Variants in CFAP410 observed in about 807,000 individuals in gnomAD.
CFAP410 encodes the protein cilia and flagella associated protein 410, also known as cilia- and flagella-associated protein 410.
Under a neutral mutation model 25.7 loss-of-function variants are expected in CFAP410, and 27 were observed. The observed-to-expected ratio is 1.05, with a 90% confidence interval of 0.77 to 1.45. The LOEUF is 1.45. CFAP410 is among the 40% of genes most tolerant of loss of function. The pLI, the probability that CFAP410 is intolerant of heterozygous loss-of-function variation, is 0.00. For synonymous variants in CFAP410, 178 were observed against 158.4 expected, an observed-to-expected ratio of 1.12 and a Z score of -0.93; for missense variants, 428 against 354.1, an observed-to-expected ratio of 1.21 and a Z score of -1.67.
chr21:44,329,904 T>G lies in CFAP410; in HGVS notation c.*294A>C. 5.5e-6 allele frequency: 2 copies of G among 363,764 alleles called. No individual in the cohort carries two copies. Among genetic ancestry groups the G allele is most frequent in the Non-Finnish European group, 5.0e-6 (1 of 200,692 alleles). 22.5% of individuals were successfully genotyped at this position (363,764 alleles called of 1,614,324 possible). ...CACCTCCAGATCAACCTTGGGAAAA[T>G]CTTTTATTAGGGAGGACAGCCTGCA... On this transcript the variant is annotated 3_prime_UTR_variant, in exon 7 of 7. Transcript: ENST00000339818.
At position 44,330,838 on chromosome 21, in the gene CFAP410, G is replaced by C; in HGVS notation, c.627C>G (p.Ser209Arg). 6.2e-7 allele frequency: 1 copy of C among 1,604,900 alleles called. No individual in the cohort carries two copies. Among genetic ancestry groups the C allele is most frequent in the Non-Finnish European group, 8.5e-7 (1 of 1,176,202 alleles). Reference sequence around the variant, plus strand: ...CGCCACTCACCCTGCCCCTGTGGCTGCTCGAGGCATCCCTGGCTGAGAGGG... The same window carrying C: ...CGCCACTCACCCTGCCCCTGTGGCTCCTCGAGGCATCCCTGGCTGAGAGGG... Reference protein sequence around the residue: ...FPSLSARDASSSHRGRNVLTA... With the variant: ...FPSLSARDASRSHRGRNVLTA... Residue 209 changes from serine to arginine, a missense_variant, in exon 6 of 7, where the codon AGC (serine) becomes AGG (arginine). Coordinates refer to ENST00000339818, the MANE Select transcript of CFAP410 (RefSeq NM_004928.3).
chr21:44,330,203 C>A lies in CFAP410; in HGVS notation c.766G>T (p.Glu256Ter). The A allele has an allele frequency of 1.3e-6, 2 of 1,565,300 alleles. No homozygotes were observed. Among genetic ancestry groups the A allele is most frequent in the South Asian group, 2.3e-5 (2 of 86,068 alleles). Residue 256 changes from glutamate (E) to a stop codon, truncating the protein, a stop_gained, in exon 7 of 7, where the codon GAG (glutamate) becomes TAG (stop). Transcript: ENST00000339818. LOFTEE classifies it high-confidence loss of function. Reference protein sequence around the residue: ...LRGEEVQEHAE With the variant: ...LRGEEVQEHA Reference sequence around the variant, plus strand: ...GCGGCGTTCAGGTCCTGCGGTCACTCGGCGTGCTCCTGCACCTCTTCCCCA... The same window carrying A: ...GCGGCGTTCAGGTCCTGCGGTCACTAGGCGTGCTCCTGCACCTCTTCCCCA...
Position 44,335,804 on chromosome 21 carries a change from T to C in CFAP410, c.97A>G (p.Ile33Val). 5 of 1,587,878 alleles carry C rather than the reference T, an allele frequency of 3.1e-6. No homozygotes were observed. The highest frequency in any genetic ancestry group is 2.3e-5 in the South Asian group (2 of 87,346). The change falls in exon 3 of 7, where the codon ATC (isoleucine) becomes GTC (valine). Residue 33 changes from isoleucine (I) to valine (V), a missense_variant and splice_region_variant. By Grantham distance (29) the Ile-to-Val change is conservative. Coordinates refer to ENST00000339818, the MANE Select transcript of CFAP410 (RefSeq NM_004928.3). The stretch of plus-strand genomic sequence containing the variant: ...CTGGGCATCTCCTGGCAAATGGAGA[T>C]CTAGGAGGAAAAGAACATGACTAGC... ...LNCWGSRLTD[I>V]SICQEMPSLE...
chr21:44,334,316 T>C (rs1237346071), intron 3 of CFAP410: 3 of 455,230 alleles, frequency 6.6e-6, no homozygotes, highest in Non-Finnish European at 1.3e-5. Context: ...GGTGACTCAG[T>C]GAGCGGCAGG....
rs775288740 is a variant in CFAP410 at position 44,330,278 on chromosome 21, C to T, written c.691G>A (p.Gly231Arg). The part of the protein sequence containing the change: ...LLLLRELDAE[G>R]LEAVQQTVGS... ...ACAGTCTGCTGCACGGCCTCCAGCCCCTCTGCATCCAGCTCCCGCAGCAGC... is the reference window on the plus strand; with the variant it reads ...ACAGTCTGCTGCACGGCCTCCAGCCTCTCTGCATCCAGCTCCCGCAGCAGC... Residue 231 changes from glycine (G) to arginine (R), a missense_variant, in exon 7 of 7, where the codon GGG (glycine) becomes AGG (arginine). Gly to Arg is a moderately radical substitution (Grantham distance 125). Transcript: ENST00000339818. 6.2e-7 allele frequency: 1 copy of T among 1,608,382 alleles called. No homozygotes were observed. Among genetic ancestry groups the T allele is most frequent in the Non-Finnish European group, 8.5e-7 (1 of 1,178,484 alleles).
At position 44,330,649 on chromosome 21, in the gene CFAP410, A is replaced by C. The variant is rs1245518051; in HGVS notation, c.642+174T>G. The C allele has an allele frequency of 9.7e-6, 15 of 1,548,350 alleles. No individual in the cohort carries two copies. In the Admixed American group the frequency reaches 2.4e-4, roughly 24 times the overall value. ...GGGCACGTGTTACACGTGTGTGCGC[A>C]TTCACAGACCCGCACACGCAGCTCC... is the stretch of plus-strand genomic sequence containing the variant. On this transcript the variant is annotated intron_variant, in intron 6 of 6. Transcript: ENST00000339818.
In CFAP410 at chr21:44,331,381, C is replaced by T. The variant is rs80044832; in HGVS notation, c.545+462G>A. ...GCTTCTGTCAAATGCGTTCGTGACC[C>T]GCTGCCAACTGCCCTGGGAGGCGCC... is the stretch of plus-strand genomic sequence containing the variant. On this transcript the variant is annotated intron_variant, in intron 5 of 6. Coordinates refer to ENST00000339818, the MANE Select transcript of CFAP410 (RefSeq NM_004928.3). 1.2e-3 allele frequency: 289 copies of T among 245,260 alleles called. 3 individuals are homozygous for T. The highest frequency in any genetic ancestry group is 5.3e-3 in the African/African-American group (234 of 43,816). 15.2% of individuals were successfully genotyped at this position (245,260 alleles called of 1,614,324 possible).
At chr21:44,336,067 G>T (rs561098269) in intron 2 of CFAP410, among the ~76,000 whole-genome samples, 28 of 107,004 alleles carry the variant, frequency 2.6e-4, no homozygotes, top group Non-Finnish European at 3.4e-4. Flanking sequence ...GAATGCCCAG[G>T]GCCTGAGGGG....
Position 44,330,612 on chromosome 21 carries a change from C to T in CFAP410, c.642+211G>A, listed in dbSNP as rs868118307. The T allele has an allele frequency of 2.6e-5, 41 of 1,549,352 alleles. No homozygotes were observed. The East Asian group carries it at 3.2e-4, about 12-fold the overall frequency. ...AGCAGGAGAGGCTGAGGGGCCAGGA[C>T]GGCTCCGTGCGGGGCACGTGTTACA... On this transcript the variant is annotated intron_variant, in intron 6 of 6. Coordinates refer to ENST00000339818, the MANE Select transcript of CFAP410 (RefSeq NM_004928.3).
At chr21:44,334,200 C>G (rs1602082676) in intron 3 of CFAP410, 2 of 456,206 alleles carry the variant, frequency 4.4e-6, no homozygotes, top group Non-Finnish European at 4.4e-6. Context: ...GCAGGCACCA[C>G]GCACCTGAGC....
chr21:44,334,134 A>G (rs1207719683), intron 3 of CFAP410: 1 of 456,280 alleles, frequency 2.2e-6, no homozygotes, highest in Middle Eastern at 3.3e-4. Flanking sequence ...AGCGTGATGT[A>G]CCGACCGCGT....
rs1250487248 is a variant in CFAP410, at chr21:44,333,125, A to G, written c.281T>C (p.Leu94Pro). 6.2e-7 allele frequency: 1 copy of G among 1,611,890 alleles called. No homozygotes were observed. Among genetic ancestry groups the G allele is most frequent in the East Asian group, 2.2e-5 (1 of 44,864 alleles). The change falls in exon 4 of 7, where the codon CTG (leucine) becomes CCG (proline). Residue 94 changes from leucine (L) to proline (P), a missense_variant. Physicochemically the swap from Leu to Pro is moderately conservative, Grantham distance 98 (BLOSUM62 -3). Transcript: ENST00000339818. ...KGLPRLRVLW[L>P]AENPCCGTSP... is the part of the protein sequence containing the mutation. ...GGTGCCGCAGCACGGGTTCTCGGCCAGCCACAGCACCCGCAGACGCGGCAG... is the reference window on the plus strand; with the variant it reads ...GGTGCCGCAGCACGGGTTCTCGGCCGGCCACAGCACCCGCAGACGCGGCAG...
intron 3 of CFAP410, 166 bp downstream of exon 3, chr21:44,335,592 G>A: frequency 1.6e-6 from 1 of 629,472 alleles, no homozygotes; most frequent in Non-Finnish European, 2.8e-6. Context: ...GGGCCACAGG[G>A]TAGGCCCAGC....
chr21:44,338,346 G>A (rs1359989439), intron 1 of CFAP410: 5 of 1,286,612 alleles, frequency 3.9e-6, no homozygotes, highest in African/African-American at 1.5e-5. Context: ...TGAGTCCCCA[G>A]GGAACCCTGG....
At chr21:44,336,094 C>T (rs893976906) in intron 2 of CFAP410, among the ~76,000 whole-genome samples, 4 of 139,764 alleles carry the variant, frequency 2.9e-5, no homozygotes, top group South Asian at 2.5e-4. Context: ...CCTGCTCAGC[C>T]AGTGTGCCCA....
intron 5 of CFAP410, 77 bp from the exon 6 acceptor site, chr21:44,330,996 G>T (rs560105566): frequency 8.4e-6 from 11 of 1,312,524 alleles, no homozygotes; most frequent in Non-Finnish European, 1.1e-5. Flanking sequence ...CTGTCTGCGG[G>T]TCGCATCCAA....
chr21:44,330,806 A>C lies in CFAP410; in HGVS notation c.642+17T>G, dbSNP rs1356687305. ...GTGGGCAGAGGCAGCCGCGGCCCCTAGCGGCCCGCCACTCACCCTGCCCCT... is the reference window on the plus strand; with the variant it reads ...GTGGGCAGAGGCAGCCGCGGCCCCTCGCGGCCCGCCACTCACCCTGCCCCT... On this transcript the variant is annotated intron_variant, in intron 6 of 6. Transcript: ENST00000339818. 5 of 1,577,312 alleles carry C rather than the reference A, an allele frequency of 3.2e-6. No individual in the cohort carries two copies. In the Admixed American group the frequency reaches 7.3e-5, roughly 23 times the overall value.
At chr21:44,330,479 T>A (rs867782911) in intron 6 of CFAP410, 153 bp from the exon 7 acceptor site, 1 of 1,535,656 alleles carries the variant, frequency 6.5e-7, no homozygotes, top group Middle Eastern at 1.7e-4. Flanking sequence ...ACTCGGAGAA[T>A]CTGAGCAGAG....
In CFAP410 at chr21:44,330,896, C is replaced by T. The variant is rs752399030; in HGVS notation, c.569G>A (p.Gly190Asp). The T allele has an allele frequency of 1.0e-5, 16 of 1,599,578 alleles. No homozygotes were observed. The highest frequency in any genetic ancestry group is 1.7e-6 in the Non-Finnish European group (2 of 1,170,898). The part of the protein sequence containing the change: ...EATSGAQDER[G>D]LKPPSRGQFP... ...CTGGCCCCGGGAAGGCGGCTTCAGG[C>T]CACGTTCATCCTGGGCGCCGCTGCT... Residue 190 changes from glycine (G) to aspartate (D), a missense_variant, in exon 6 of 7, where the codon GGC becomes GAC. Coordinates refer to ENST00000339818, the MANE Select transcript of CFAP410 (RefSeq NM_004928.3).
Sources: allele counts gnomAD v4.1 joint callset (sites outside exome capture counted in the v4.1 genomes callset), GRCh38; gene constraint gnomAD v4.1.1; transcripts MANE v1.5; gene names NCBI Gene and HGNC (gene_info 2026-07-23, HGNC 2026-07-21).